The following MAPRE2 variants were observed in gnomAD, a reference collection of about 807,000 sequenced individuals.
The protein encoded by MAPRE2 is microtubule-associated protein RP/EB family member 2.
Under a neutral mutation model 43.2 loss-of-function variants are expected in MAPRE2, and 13 were observed. That is an observed-to-expected ratio of 0.30 (90% CI 0.20 to 0.48). The LOEUF (loss-of-function observed/expected upper bound fraction) is 0.48. MAPRE2 is among the 20% of genes least tolerant of loss of function. The pLI is 0.99. For synonymous variants in MAPRE2, 135 were observed against 148.8 expected, an observed-to-expected ratio of 0.91 and a Z score of 0.68; for missense variants, 161 against 400.2, an observed-to-expected ratio of 0.40 and a Z score of 5.10.
At chr18:35,050,688 T>A (rs1905894058) in intron 1 of MAPRE2, among the ~76,000 whole-genome samples, 1 of 152,212 alleles carries the variant, frequency 6.6e-6, no homozygotes, top group African/African-American at 2.4e-5. Context: ...TTGCAGGTAA[T>A]TGCCAATTTT....
chr18:35,084,890 G>T (rs537145), intron 2 of MAPRE2, among the ~76,000 whole-genome samples: 44,494 of 152,060 alleles, frequency 0.29, 8,658 homozygotes, highest in African/African-American at 0.53. Flanking sequence ...TCTTTATTTT[G>T]GCATTTGTGG....
At chr18:34,977,657 CGACGCCGGCCACCATCCGCGCTCCCGG>C (rs547133166) in intron 1 of MAPRE2, among the ~76,000 whole-genome samples, 123 of 152,332 alleles carry the variant, frequency 8.1e-4, no homozygotes, top group African/African-American at 2.8e-3. Context: ...TCTCCCACTC[CGACGCCGGCCACCATCCGCGCTCCCGG>C]GACTCAGGAG....
intron 4 of MAPRE2, among the ~76,000 whole-genome samples, chr18:35,115,049 A>T (rs1308718155): frequency 1.3e-5 from 2 of 152,196 alleles, no homozygotes; most frequent in Non-Finnish European, 2.9e-5. Context: ...ATTGGGCAGG[A>T]ATCGAAAACA....
At chr18:35,001,748 G>A (rs535091611) in intron 1 of MAPRE2, among the ~76,000 whole-genome samples, 6 of 152,136 alleles carry the variant, frequency 3.9e-5, no homozygotes, top group Non-Finnish European at 8.8e-5. Context: ...GCAAAATGGA[G>A]CAAACTCCTG....
At chr18:35,110,453 A>G (rs1263097982) in intron 4 of MAPRE2, among the ~76,000 whole-genome samples, 3 of 152,220 alleles carry the variant, frequency 2.0e-5, no homozygotes, top group South Asian at 2.1e-4. Flanking sequence ...ACATATTTCT[A>G]TTAGATGGTT....
intron 3 of MAPRE2, among the ~76,000 whole-genome samples, chr18:35,100,307 A>C (rs1209332010): frequency 1.3e-5 from 2 of 152,240 alleles, no homozygotes; most frequent in Non-Finnish European, 2.9e-5. Context: ...ATTACTAAAA[A>C]GTCAAAAAAT....
At chr18:35,064,527 A>G (rs585720) in intron 1 of MAPRE2, among the ~76,000 whole-genome samples, 46,756 of 151,960 alleles carry the variant, frequency 0.31, 9,126 homozygotes, top group East Asian at 0.56. Context: ...CACATATTAT[A>G]TATTTGCTTA....
chr18:35,052,743 T>C (rs940191389), intron 1 of MAPRE2, among the ~76,000 whole-genome samples: 3 of 152,190 alleles, frequency 2.0e-5, no homozygotes, highest in Non-Finnish European at 4.4e-5. Flanking sequence ...CTCTTAAATG[T>C]TGGCCATCCT....
intron 1 of MAPRE2, among the ~76,000 whole-genome samples, chr18:34,977,647 T>G (rs1056096827): frequency 2.0e-5 from 3 of 152,130 alleles, no homozygotes; most frequent in African/African-American, 7.2e-5. Context: ...CAGCCACCAC[T>G]CTCCCACTCC....
At chr18:35,090,595 G>T (rs916765318) in intron 2 of MAPRE2, among the ~76,000 whole-genome samples, 4 of 151,946 alleles carry the variant, frequency 2.6e-5, no homozygotes, top group African/African-American at 7.3e-5. Context: ...AGCCAGTTGT[G>T]GTGGTGGGTG....
intron 1 of MAPRE2, among the ~76,000 whole-genome samples, chr18:35,001,121 T>C (rs2097029099): frequency 6.6e-6 from 1 of 152,304 alleles, no homozygotes; most frequent in South Asian, 2.1e-4. Flanking sequence ...AAATGTTAAA[T>C]ATTCCATTTC....
intron 1 of MAPRE2, among the ~76,000 whole-genome samples, chr18:35,054,017 T>A (rs184174212): frequency 6.6e-6 from 1 of 152,328 alleles, no homozygotes; most frequent in African/African-American, 2.4e-5. Context: ...GCTTCCAAAA[T>A]TTTGCCAAGA....
chr18:35,063,999 TTAAAAAAAAAAA>T (rs956410247), intron 1 of MAPRE2, among the ~76,000 whole-genome samples: 1 of 60,694 alleles, frequency 1.6e-5, no homozygotes, highest in African/African-American at 5.0e-5. Flanking sequence ...CCCTGTCTCT[TTAAAAAAAAAAA>T]AAAAAAAAAA....
intron 1 of MAPRE2, among the ~76,000 whole-genome samples, chr18:35,046,314 T>C (rs970007147): frequency 1.3e-5 from 2 of 152,144 alleles, no homozygotes; most frequent in Admixed American, 1.3e-4. Flanking sequence ...AGACTTACAG[T>C]GTTGGTATTT....
intron 2 of MAPRE2, among the ~76,000 whole-genome samples, chr18:35,074,748 A>G (rs989983178): frequency 5.3e-5 from 8 of 151,758 alleles, no homozygotes; most frequent in African/African-American, 1.9e-4. Flanking sequence ...CTCTTTGTGC[A>G]CCTTGCCTCC....
At chr18:35,080,279 C>T (rs1195810493) in intron 2 of MAPRE2, among the ~76,000 whole-genome samples, 2 of 152,198 alleles carry the variant, frequency 1.3e-5, no homozygotes, top group African/African-American at 4.8e-5. Context: ...TGAGTACCTG[C>T]AATGTGTCAG....
rs575347953 is a variant in MAPRE2 at position 35,064,000 on chromosome 18, T to TAAA, written c.123-6164_123-6162dup. Among the ~76,000 whole-genome samples, 263 of 33,916 alleles carry TAAA rather than the reference T, an allele frequency of 7.8e-3. 15 individuals carry two copies. Among genetic ancestry groups the TAAA allele is most frequent in the East Asian group, 0.041 (39 of 950 alleles). The allele number at this position is 33,916 out of a possible 152,430, so 22.3% of individuals were successfully genotyped here. A position where few individuals can be genotyped will look rare whatever the true frequency, so the allele number is the denominator to read the frequency against. On this transcript the variant is annotated intron_variant, in intron 1 of 6. Coordinates refer to ENST00000300249, the MANE Select transcript of MAPRE2 (RefSeq NM_014268.4). ...ACTGCCGAGTGAGACCCTGTCTCTT[T>TAAA]AAAAAAAAAAAAAAAAAAAAAAAAA...
At chr18:35,023,767 TA>T (rs1258030429) in intron 2 of MAPRE2, among the ~76,000 whole-genome samples, 1 of 152,032 alleles carries the variant, frequency 6.6e-6, no homozygotes, top group Non-Finnish European at 1.5e-5. Context: ...ATAATATTTT[TA>T]GATTCATTAA....
At chr18:35,129,910 G>T (rs1910071189) in intron 5 of MAPRE2, among the ~76,000 whole-genome samples, 1 of 152,232 alleles carries the variant, frequency 6.6e-6, no homozygotes, top group African/African-American at 2.4e-5. Context: ...CTATGACAGT[G>T]GAATTTTGCT....
Sources: gnomAD v4.1 joint callset for allele counts (sites outside exome capture counted in the v4.1 genomes callset) on GRCh38, gnomAD v4.1.1 for gene constraint, MANE v1.5 for transcripts, NCBI Gene and HGNC (gene_info 2026-07-23, HGNC 2026-07-21) for gene names.